CNNM2: variants seen among roughly 807,000 people sequenced by gnomAD.
The protein encoded by CNNM2 is metal transporter CNNM2.
In CNNM2, 12 loss-of-function variants were observed where a neutral mutation model predicts 66.9. The ratio of observed to expected loss-of-function variants is 0.18; its 90% CI spans 0.11 to 0.29. The LOEUF (loss-of-function observed/expected upper bound fraction) is 0.29, where lower values mean the gene tolerates loss of function less well. Among genes scored for constraint, CNNM2 ranks in the 10% least tolerant of loss-of-function variants. The pLI is 1.00. For missense variants in CNNM2, 705 were observed against 1,167.7 expected (o/e 0.60, Z 5.77); for synonymous variants, 557 against 501.8 (o/e 1.11, Z -1.47).
At chr10:103,014,698 G>A (rs1375587270) in intron 1 of CNNM2, among the ~76,000 whole-genome samples, 2 of 151,968 alleles carry the variant, frequency 1.3e-5, no homozygotes, top group East Asian at 3.9e-4. Flanking sequence ...ATGCTCAAGC[G>A]CTTTTACATT....
At chr10:103,046,637 T>C (rs1014638379) in intron 1 of CNNM2, among the ~76,000 whole-genome samples, 8 of 152,234 alleles carry the variant, frequency 5.3e-5, no homozygotes, top group African/African-American at 1.9e-4. Flanking sequence ...TATAGTGTTA[T>C]TAATAAAAAT....
intron 1 of CNNM2, among the ~76,000 whole-genome samples, chr10:103,041,097 C>A (rs796293101): frequency 6.6e-6 from 1 of 152,050 alleles, no homozygotes; most frequent in African/African-American, 2.4e-5. Context: ...GGAGGGTGTT[C>A]GCCTTGGAGC....
At chr10:103,050,682 G>A (rs2065200462) in intron 2 of CNNM2, among the ~76,000 whole-genome samples, 1 of 152,148 alleles carries the variant, frequency 6.6e-6, no homozygotes, top group South Asian at 2.1e-4. Flanking sequence ...GGTGTGGGAA[G>A]CAGGATAGGG....
intron 1 of CNNM2, among the ~76,000 whole-genome samples, chr10:102,987,775 A>G (rs2063824417): frequency 6.6e-6 from 1 of 152,174 alleles, no homozygotes; most frequent in Non-Finnish European, 1.5e-5. Flanking sequence ...AAAACACCCT[A>G]CATCTTTGGT....
rs780610785 is a variant in CNNM2 at position 103,089,647 on chromosome 10, G to C, written c.*12467G>C. The C allele has an allele frequency of 1.3e-6, 2 of 1,569,910 alleles. No homozygotes were observed. Among genetic ancestry groups the C allele is most frequent in the Non-Finnish European group, 1.7e-6 (2 of 1,158,188 alleles). ...AGTCCTGCCAGGACTTGTTTAATGG[G>C]TGCTTGGGGTTTTGGTTTTCCTCCT... is the stretch of plus-strand genomic sequence containing the variant. On this transcript the variant is annotated 3_prime_UTR_variant, in exon 8 of 8. Coordinates refer to ENST00000369878, the MANE Select transcript of CNNM2 (RefSeq NM_017649.5).
intron 1 of CNNM2, among the ~76,000 whole-genome samples, chr10:102,974,721 C>T (rs1297678939): frequency 6.6e-6 from 1 of 151,958 alleles, no homozygotes; most frequent in Non-Finnish European, 1.5e-5. Flanking sequence ...TTTTTTCATA[C>T]AGGCAGGGTC....
chr10:103,039,460 A>G (rs1457111473), intron 1 of CNNM2, among the ~76,000 whole-genome samples: 1 of 152,152 alleles, frequency 6.6e-6, no homozygotes. Flanking sequence ...TGATCTCCAC[A>G]GTAGTCCGAA....
rs118106329 is a variant in CNNM2, at chr10:103,037,191, A to G, written c.1622-12516A>G. 1.3e-3 allele frequency among the ~76,000 whole-genome samples: 190 copies of G among 151,042 alleles called. 1 individual carries two copies. The highest frequency in any genetic ancestry group is 2.6e-3 in the Admixed American group (39 of 15,164). ...CATTTCCTAATTGATCTTTTTAATCATATTAAAGAAGTAGACATCTATATA... is the reference window on the plus strand; with the variant it reads ...CATTTCCTAATTGATCTTTTTAATCGTATTAAAGAAGTAGACATCTATATA... On this transcript the variant is annotated intron_variant, in intron 1 of 7. Coordinates refer to ENST00000369878, the MANE Select transcript of CNNM2 (RefSeq NM_017649.5).
rs143242701 is a variant in CNNM2 at position 102,961,914 on chromosome 10, TATTAA to T, written c.1621+41815_1621+41819del. 0.083 allele frequency among the ~76,000 whole-genome samples: 12,651 copies of T among 151,566 alleles called. 787 individuals carry two copies. The highest frequency in any genetic ancestry group is 0.27 in the East Asian group (1,414 of 5,144). The stretch of plus-strand genomic sequence containing the variant: ...CAATCTCTAAAAACATTAAATTAAA[TATTAA>T]AAAAAAATAAGAAAGGTTGTCTAAC... On this transcript the variant is annotated intron_variant, in intron 1 of 7. Transcript: ENST00000369878.
chr10:103,082,663 GTGT>G lies in CNNM2; in HGVS notation c.*5488_*5490del, dbSNP rs1009575526. 2.0e-5 allele frequency: 3 copies of G among 152,250 alleles called. No individual in the cohort carries two copies. The highest frequency in any genetic ancestry group is 6.5e-5 in the Admixed American group (1 of 15,282). The allele number at this position is 152,250 out of a possible 1,614,324, so 9.4% of individuals were successfully genotyped here. A position where few individuals can be genotyped will look rare whatever the true frequency, so the allele number is the denominator to read the frequency against. On this transcript the variant is annotated 3_prime_UTR_variant, in exon 8 of 8. Coordinates refer to ENST00000369878, the MANE Select transcript of CNNM2 (RefSeq NM_017649.5). ...GTCCTTTAAGGCGGGTGAGAGGGTA[GTGT>G]TGTTTTTTATAAACAGGTTGCTGCT...
rs527664803 is a variant in CNNM2 at position 102,975,552 on chromosome 10, A to G, written c.1621+55451A>G. Among the ~76,000 whole-genome samples, 3 of 152,138 alleles carry G rather than the reference A, an allele frequency of 2.0e-5. No individual in the cohort carries two copies. The East Asian group carries it at 5.8e-4, about 29-fold the overall frequency. On this transcript the variant is annotated intron_variant, in intron 1 of 7. Coordinates refer to ENST00000369878, the MANE Select transcript of CNNM2 (RefSeq NM_017649.5). ...GATACAGTGGTAAGAACCTGCAAAT[A>G]CATGTATGTACACTGAGAGGGCAGG...
chr10:102,970,107 T>G (rs1215972802), intron 1 of CNNM2, among the ~76,000 whole-genome samples: 1 of 152,268 alleles, frequency 6.6e-6, no homozygotes, highest in East Asian at 1.9e-4. Context: ...CACCTGCTTT[T>G]GTATGCCCCA....
Position 102,919,650 on chromosome 10 carries a change from C to T in CNNM2, c.1170C>T (p.Ser390=), listed in dbSNP as rs543993248. The change falls in exon 1 of 8, where the codon TCC becomes TCT. Residue 390 remains serine, a synonymous_variant. Coordinates refer to ENST00000369878, the MANE Select transcript of CNNM2 (RefSeq NM_017649.5). ...KFFMMMTFPA[S]YPVSKLLDCV... ...TCATGATGATGACCTTCCCCGCTTC[C>T]TACCCGGTCAGCAAGCTGCTGGACT... 1 of 1,614,196 alleles carries T rather than the reference C, an allele frequency of 6.2e-7. No individual in the cohort carries two copies. The highest frequency in any genetic ancestry group is 8.5e-7 in the Non-Finnish European group (1 of 1,180,034).
chr10:102,967,414 C>G (rs1323018379), intron 1 of CNNM2, among the ~76,000 whole-genome samples: 2 of 152,226 alleles, frequency 1.3e-5, no homozygotes, highest in East Asian at 3.8e-4. Flanking sequence ...TGGAAGTTTC[C>G]TTTCTTCTGG....
chr10:102,953,425 T>A (rs1453055256), intron 1 of CNNM2, among the ~76,000 whole-genome samples: 2 of 151,954 alleles, frequency 1.3e-5, no homozygotes, highest in African/African-American at 4.8e-5. Flanking sequence ...CCTGGCTAAT[T>A]TTTTTGTATT....
chr10:103,059,682 G>A (rs370597389), intron 4 of CNNM2, among the ~76,000 whole-genome samples: 11 of 152,056 alleles, frequency 7.2e-5, no homozygotes, highest in Admixed American at 2.6e-4. Context: ...AACAAAATAC[G>A]TATGTAAGAA....
At chr10:102,939,928 A>G (rs1302350601) in intron 1 of CNNM2, among the ~76,000 whole-genome samples, 1 of 152,068 alleles carries the variant, frequency 6.6e-6, no homozygotes, top group African/African-American at 2.4e-5. Flanking sequence ...AGATCGCGCC[A>G]CTGCACTCCA....
chr10:103,067,299 CT>C (rs2065495609), intron 4 of CNNM2, among the ~76,000 whole-genome samples: 2 of 151,982 alleles, frequency 1.3e-5, no homozygotes, highest in Non-Finnish European at 2.9e-5. Flanking sequence ...AACTCCTGGG[CT>C]CAAGCAATTT....
At chr10:102,993,903 C>CT (rs1479365569) in intron 1 of CNNM2, among the ~76,000 whole-genome samples, 2 of 152,028 alleles carry the variant, frequency 1.3e-5, no homozygotes, top group Admixed American at 1.3e-4. Context: ...AGGGGCATCC[C>CT]TTTGGAGGTT....
Sources: gnomAD v4.1 joint callset for allele counts (sites outside exome capture counted in the v4.1 genomes callset) on GRCh38, gnomAD v4.1.1 for gene constraint, MANE v1.5 for transcripts, NCBI Gene and HGNC (gene_info 2026-07-23, HGNC 2026-07-21) for gene names.